The following PHKA2 variants were observed in gnomAD, a reference collection of about 807,000 sequenced individuals.
PHKA2 encodes the protein phosphorylase kinase regulatory subunit alpha 2, also known as phosphorylase b kinase regulatory subunit alpha, liver isoform.
Under a neutral mutation model 102.0 loss-of-function variants are expected in PHKA2, and 31 were observed. The ratio of observed to expected loss-of-function variants is 0.30; its 90% confidence interval spans 0.23 to 0.41. The LOEUF is 0.41. Among genes scored for constraint, PHKA2 ranks in the 10% least tolerant of loss-of-function variants. The pLI, the probability that PHKA2 is intolerant of heterozygous loss-of-function variation, is 1.00. For synonymous variants in PHKA2, 455 were observed against 416.2 expected, an observed-to-expected ratio of 1.09 and a Z score of -1.13; for missense variants, 858 against 1,023.1, an observed-to-expected ratio of 0.84 and a Z score of 2.20.
At chrX:18,902,785 A>C (rs940090755) in intron 26 of PHKA2, 18 of 106,292 alleles carry the variant, frequency 1.7e-4, no homozygotes, top group African/African-American at 5.9e-4. Flanking sequence ...ACAAACAAAA[A>C]ACATACCCGA....
At chrX:18,903,112 A>G (rs2047728984) in intron 26 of PHKA2, among the ~76,000 whole-genome samples, 1 of 111,677 alleles carries the variant, frequency 9.0e-6, no homozygotes, top group South Asian at 3.8e-4. Flanking sequence ...ATACATACGT[A>G]TAGATACAGA....
chrX:18,946,841 C>G (rs1405507673), intron 5 of PHKA2, among the ~76,000 whole-genome samples: 1 of 101,736 alleles, frequency 9.8e-6, no homozygotes, highest in Admixed American at 1.1e-4. Context: ...CAGCACTATT[C>G]CATTTCGAGC....
Position 18,983,938 on chromosome X carries a change from C to T in PHKA2, c.-6G>A. 1 of 1,206,636 alleles carries T rather than the reference C, an allele frequency of 8.3e-7. No homozygotes were observed. On this transcript the variant is annotated 5_prime_UTR_variant, in exon 1 of 33. Coordinates refer to ENST00000379942, the MANE Select transcript of PHKA2 (RefSeq NM_000292.3). ...GAATTGCTCCTGCTCCGCATCTCCC[C>T]GAGGCTCCCAGGCCGCAGCGCCCGA...
intron 8 of PHKA2, among the ~76,000 whole-genome samples, chrX:18,941,108 G>A (rs191257659): frequency 3.6e-5 from 4 of 112,280 alleles, no homozygotes; most frequent in Non-Finnish European, 7.5e-5. Flanking sequence ...CACGGTTACT[G>A]CATTTCACCT....
chrX:18,919,892 G>A (rs1273571666), intron 18 of PHKA2, 140 bp downstream of exon 18: 2 of 545,988 alleles, frequency 3.7e-6, no homozygotes, highest in Non-Finnish European at 3.1e-6. Flanking sequence ...ATATATGCAA[G>A]TTTCAGAAGC....
At chrX:18,966,081 GTTTT>G (rs1178984805) in intron 1 of PHKA2, among the ~76,000 whole-genome samples, 3 of 85,099 alleles carry the variant, frequency 3.5e-5, no homozygotes, top group Admixed American at 2.5e-4. Flanking sequence ...TGGCTCTTTT[GTTTT>G]TTTTTTGTTT....
intron 29 of PHKA2, among the ~76,000 whole-genome samples, chrX:18,898,969 T>A (rs2047624798): frequency 8.9e-6 from 1 of 112,231 alleles, no homozygotes; most frequent in African/African-American, 3.2e-5. Flanking sequence ...ACTGAGAGCT[T>A]AAGACGGAGA....
At chrX:18,914,658 G>A (rs1481962492) in intron 19 of PHKA2, among the ~76,000 whole-genome samples, 1 of 112,115 alleles carries the variant, frequency 8.9e-6, no homozygotes, top group Non-Finnish European at 1.9e-5. Context: ...CTCAGAAGAG[G>A]GTAAAGGAGG....
chrX:18,908,829 C>G lies in PHKA2; in HGVS notation c.2332G>C (p.Asp778His), dbSNP rs780075235. The G allele has an allele frequency of 8.3e-7, 1 of 1,207,832 alleles. No individual in the cohort carries two copies. Among genetic ancestry groups the G allele is most frequent in the African/African-American group, 1.7e-5 (1 of 57,230 alleles). The change falls in exon 21 of 33, where the codon GAC becomes CAC. Residue 778 changes from aspartate to histidine, a missense_variant. Around this residue, in one of 2 missense-constraint regions of PHKA2, gnomAD observed 671 missense variants for 745.2 expected, o/e 0.90. Coordinates refer to ENST00000379942, the MANE Select transcript of PHKA2 (RefSeq NM_000292.3). ...KDCSNLQDQA[D>H]ILYILYVIKG... ...ATGACATAAAGAATGTACAGAATGT[C>G]TGCTTGGTCCTGTAGGTTCGAACAA...
intron 26 of PHKA2, among the ~76,000 whole-genome samples, chrX:18,902,123 G>A (rs1398644891): frequency 9.0e-6 from 1 of 110,689 alleles, no homozygotes; most frequent in Non-Finnish European, 1.9e-5. Context: ...TTACAGGCGT[G>A]AGCCACTGCA....
At chrX:18,923,074 G>C (rs969551321) in intron 17 of PHKA2, among the ~76,000 whole-genome samples, 3 of 99,829 alleles carry the variant, frequency 3.0e-5, no homozygotes, top group Non-Finnish European at 6.0e-5. Context: ...TTTTGAGACG[G>C]AGTCTCATTC....
At chrX:18,960,300 G>T (rs915746544) in intron 1 of PHKA2, among the ~76,000 whole-genome samples, 2 of 112,195 alleles carry the variant, frequency 1.8e-5, no homozygotes, top group African/African-American at 6.5e-5. Flanking sequence ...CAAGCAACTT[G>T]TATCTAAAGC....
chrX:18,941,729 T>C, intron 7 of PHKA2, 54 bp from the exon 8 acceptor site: 1 of 873,347 alleles, frequency 1.1e-6, no homozygotes, highest in South Asian at 2.0e-5. Context: ...ATAGGCGCAG[T>C]ATCTAGGGAC....
At chrX:18,898,580 C>G (rs2047617915) in intron 29 of PHKA2, among the ~76,000 whole-genome samples, 1 of 113,035 alleles carries the variant, frequency 8.8e-6, no homozygotes, top group African/African-American at 3.2e-5. Context: ...CTTTCTGCAG[C>G]AGTTGGATTT....
chrX:18,928,681 T>G (rs2048257607), intron 13 of PHKA2, among the ~76,000 whole-genome samples: 2 of 112,364 alleles, frequency 1.8e-5, no homozygotes, highest in African/African-American at 6.5e-5. Flanking sequence ...CCTCAGTACA[T>G]CTTAGGAAGC....
intron 19 of PHKA2, 48 bp from the exon 20 acceptor site, chrX:18,911,008 C>T (rs752539106): frequency 1.3e-6 from 1 of 758,309 alleles, no homozygotes; most frequent in Non-Finnish European, 1.8e-6. Flanking sequence ...GGAAGAACAA[C>T]ACTTTTTTTT....
chrX:18,936,204 G>C (rs770623877), intron 10 of PHKA2, 54 bp from the exon 11 acceptor site: 45 of 818,441 alleles, frequency 5.5e-5, no homozygotes, highest in Non-Finnish European at 7.7e-5. Flanking sequence ...CATGATTGCT[G>C]TAACAGCGGT....
intron 2 of PHKA2, among the ~76,000 whole-genome samples, chrX:18,953,508 G>C (rs1010793378): frequency 8.9e-6 from 1 of 112,371 alleles, no homozygotes. Context: ...ATAATGTTTG[G>C]ATAAATATCC....
At chrX:18,969,538 C>CT (rs768830350) in intron 1 of PHKA2, among the ~76,000 whole-genome samples, 41 of 109,202 alleles carry the variant, frequency 3.8e-4, no homozygotes, top group Admixed American at 1.9e-3. Context: ...TCCTTTTCTT[C>CT]TTTTTTTTGT....
Sources: allele counts gnomAD v4.1 joint callset (sites outside exome capture counted in the v4.1 genomes callset), GRCh38; gene constraint gnomAD v4.1.1; regional missense constraint gnomAD v4.1.1; transcripts MANE v1.5; gene names NCBI Gene and HGNC (gene_info 2026-07-23, HGNC 2026-07-21).